Variants in HAUS7 observed in about 807,000 individuals in gnomAD.
HAUS7 encodes the protein HAUS augmin like complex subunit 7.
A neutral mutation model predicts 28.4 loss-of-function variants in HAUS7; 3 were observed. The observed-to-expected ratio is 0.11, with a 90% CI of 0.05 to 0.27. The LOEUF is 0.27. Ranked by LOEUF, HAUS7 falls within the 10% of genes least tolerant of loss-of-function variation. The probability of loss-of-function intolerance (pLI) is 1.00; values close to 1 mark genes in which losing one functional copy is unlikely to be tolerated. For missense variants in HAUS7, 284 were observed against 297.3 expected, an observed-to-expected ratio of 0.96 and a Z score of 0.33; for synonymous variants, 165 against 132.1, an observed-to-expected ratio of 1.25 and a Z score of -1.71.
intron 1 of HAUS7, 81 bp from the exon 2 acceptor site, chrX:153,469,342 G>C: frequency 1.8e-5 from 9 of 494,736 alleles, no homozygotes. Flanking sequence ...TTATTTTTGA[G>C]ACGGAGTCTC....
chrX:153,454,247 T>C, intron 9 of HAUS7, 147 bp downstream of exon 9: 1 of 434,952 alleles, frequency 2.3e-6, no homozygotes, highest in East Asian at 3.9e-5. Flanking sequence ...AAAGCATTTT[T>C]TCAAGTGAAG....
At chrX:153,468,645 G>C (rs1050717579) in intron 2 of HAUS7, among the ~76,000 whole-genome samples, 1 of 112,337 alleles carries the variant, frequency 8.9e-6, no homozygotes, top group Non-Finnish European at 1.9e-5. Flanking sequence ...ACTGGGAAAC[G>C]GGTCACGGCA....
At chrX:153,486,841 T>A in intron 1 of HAUS7, 1 of 972,900 alleles carries the variant, frequency 1.0e-6, no homozygotes, top group Non-Finnish European at 1.3e-6. Context: ...CAGCACACAC[T>A]CTGCTTCTCG....
rs781953096 is a variant in HAUS7 at position 153,454,512 on chromosome X, G to A, written c.931-4C>T. ...CTGCCATGACCACTTGCAGCAGCTG[G>A]GGAGGGAGGGAGGGAGGGAGGGAGG... On this transcript the variant is annotated splice_polypyrimidine_tract_variant and splice_region_variant and intron_variant, in intron 8 of 9. Coordinates refer to ENST00000370211, the MANE Select transcript of HAUS7 (RefSeq NM_001385482.1). 1 of 228,416 alleles carries A rather than the reference G, an allele frequency of 4.4e-6. No homozygotes were observed. The highest frequency in any genetic ancestry group is 9.5e-4 in the East Asian group (1 of 1,054). The allele number at this position is 228,416 out of a possible 1,213,427, so 18.8% of individuals were successfully genotyped here. A position where few individuals can be genotyped will look rare whatever the true frequency, so the allele number is the denominator to read the frequency against.
In HAUS7 at chrX:153,450,167, C is replaced by T. The variant is rs2089221258; in HGVS notation, c.1046-2258G>A. Among the ~76,000 whole-genome samples, 3 of 111,233 alleles carry T rather than the reference C, an allele frequency of 2.7e-5. No individual in the cohort carries two copies. In the Admixed American group the frequency reaches 2.8e-4, roughly 11 times the overall value. ...ACAGTTTGGAGGAGTTCCATGGAGG[C>T]GAGGCAGGGATCAGCTCTTGCCCCA... is the stretch of plus-strand genomic sequence containing the variant. On this transcript the variant is annotated intron_variant, in intron 9 of 9. Coordinates refer to ENST00000370211, the MANE Select transcript of HAUS7 (RefSeq NM_001385482.1).
chrX:153,489,397 C>T (rs183431745), intron 1 of HAUS7, among the ~76,000 whole-genome samples: 98 of 113,076 alleles, frequency 8.7e-4, no homozygotes, highest in Non-Finnish European at 5.6e-4. Context: ...TGCTCCTCCT[C>T]TTCGGGGTGG....
intron 2 of HAUS7, among the ~76,000 whole-genome samples, chrX:153,465,714 AG>A (rs2089447309): frequency 8.9e-6 from 1 of 112,448 alleles, no homozygotes. Context: ...CATGGAAGGC[AG>A]GAAGTCCCAC....
intron 1 of HAUS7, among the ~76,000 whole-genome samples, chrX:153,490,439 G>GGCTCC (rs2089664734): frequency 8.9e-6 from 1 of 112,888 alleles, no homozygotes; most frequent in Non-Finnish European, 1.9e-5. Context: ...AGAGAGTGGA[G>GGCTCC]GCTCCGCTCA....
intron 4 of HAUS7, 56 bp downstream of exon 4, chrX:153,462,554 C>CT (rs1206786427): frequency 1.0e-6 from 1 of 957,229 alleles, no homozygotes; most frequent in Non-Finnish European, 1.5e-6. Context: ...ATGAGGTTCC[C>CT]TGCCCAGGGC....
At chrX:153,492,139 T>G (rs1324546220) in intron 1 of HAUS7, among the ~76,000 whole-genome samples, 4 of 112,988 alleles carry the variant, frequency 3.5e-5, no homozygotes, top group Non-Finnish European at 7.5e-5. Context: ...GCGCCCCCCG[T>G]GCCTGCCTTC....
At chrX:153,467,487 G>A (rs2089467621) in intron 2 of HAUS7, among the ~76,000 whole-genome samples, 1 of 111,558 alleles carries the variant, frequency 9.0e-6, no homozygotes, top group Non-Finnish European at 1.9e-5. Flanking sequence ...TCCAGCTGCT[G>A]CTGCCCAGCT....
At chrX:153,460,253 G>A (rs1658511385) in intron 4 of HAUS7, among the ~76,000 whole-genome samples, 1 of 112,290 alleles carries the variant, frequency 8.9e-6, no homozygotes, top group South Asian at 3.7e-4. Flanking sequence ...CAAGGCCTGA[G>A]GGGAATGGGG....
At chrX:153,485,820 G>A (rs781954958) in intron 1 of HAUS7, 8 of 899,449 alleles carry the variant, frequency 8.9e-6, no homozygotes, top group African/African-American at 4.2e-5. Flanking sequence ...CACGTGCCCC[G>A]CTTCCTGCCG....
intron 1 of HAUS7, among the ~76,000 whole-genome samples, chrX:153,478,237 C>T (rs782393408): frequency 8.9e-6 from 1 of 112,543 alleles, no homozygotes; most frequent in Non-Finnish European, 1.9e-5. Context: ...CACAGCAGAA[C>T]GCGGGGTTGG....
chrX:153,469,318 TTTTA>T (rs1231141702), intron 1 of HAUS7, 57 bp from the exon 2 acceptor site: 62 of 546,319 alleles, frequency 1.1e-4, no homozygotes, highest in South Asian at 7.5e-4. Flanking sequence ...CATCATTTCA[TTTTA>T]TTTATTTATT....
chrX:153,460,127 G>A (rs975006486), intron 4 of HAUS7, among the ~76,000 whole-genome samples: 4 of 112,321 alleles, frequency 3.6e-5, no homozygotes, highest in Non-Finnish European at 7.5e-5. Context: ...AAGTGCTGCC[G>A]CAACATGGAC....
Position 153,462,627 on chromosome X carries a change from C to T in HAUS7, c.337G>A (p.Asp113Asn). 2 of 1,205,249 alleles carry T rather than the reference C, an allele frequency of 1.7e-6. No homozygotes were observed. Among genetic ancestry groups the T allele is most frequent in the Non-Finnish European group, 2.2e-6 (2 of 889,015 alleles). ...CCTCTTACCTTGAGGAGCTCCTGGT[C>T]ATCTGGCGCACACAGCATCAGCTCG... ...GHELMLCAPD[D>N]QELLKGCACA... Residue 113 changes from aspartate (D) to asparagine (N), a missense_variant, in exon 4 of 10, where the codon GAC becomes AAC. Coordinates refer to ENST00000370211, the MANE Select transcript of HAUS7 (RefSeq NM_001385482.1).
chrX:153,485,315 C>T (rs1047869833), intron 1 of HAUS7, among the ~76,000 whole-genome samples: 8 of 111,727 alleles, frequency 7.2e-5, no homozygotes, highest in Admixed American at 1.9e-4. Flanking sequence ...GAGAGGGCTT[C>T]GAGGCCGAGG....
At chrX:153,461,773 C>A (rs2089394762) in intron 4 of HAUS7, 1 of 257,428 alleles carries the variant, frequency 3.9e-6, no homozygotes, top group South Asian at 2.1e-4. Context: ...CTGGAGCTCT[C>A]CCGCGCTGCT....
Sources: allele counts gnomAD v4.1 joint callset (sites outside exome capture counted in the v4.1 genomes callset), GRCh38; gene constraint gnomAD v4.1.1; transcripts MANE v1.5; gene names NCBI Gene and HGNC (gene_info 2026-07-23, HGNC 2026-07-21).